FYB2: variants seen among roughly 807,000 people sequenced by gnomAD.
FYB2 encodes the protein FYN binding protein 2.
Under a neutral mutation model 94.1 loss-of-function variants are expected in FYB2, and 103 were observed. That is an observed-to-expected ratio of 1.09 (90% CI 0.93 to 1.29). FYB2 has a LOEUF of 1.29. Ranked by LOEUF, FYB2 falls within the 50% of genes most tolerant of loss-of-function variation. The pLI is 0.00. For synonymous variants in FYB2, 293 were observed against 287.9 expected (o/e 1.02, Z -0.18); for missense variants, 896 against 841.5 (o/e 1.06, Z -0.80).
intron 1 of FYB2, among the ~76,000 whole-genome samples, chr1:56,800,668 G>A (rs1646499333): frequency 1.3e-5 from 2 of 152,078 alleles, no homozygotes; most frequent in South Asian, 4.1e-4. Flanking sequence ...CACATGGGGT[G>A]TAAGGTTTCA....
At chr1:56,781,630 C>T (rs1445973769) in intron 4 of FYB2, among the ~76,000 whole-genome samples, 2 of 152,168 alleles carry the variant, frequency 1.3e-5, no homozygotes, top group Non-Finnish European at 2.9e-5. Flanking sequence ...TTTCTGTTTC[C>T]ACCTTTTCCC....
intron 4 of FYB2, among the ~76,000 whole-genome samples, chr1:56,768,285 T>C (rs1327960408): frequency 1.3e-5 from 2 of 152,208 alleles, no homozygotes; most frequent in Non-Finnish European, 1.5e-5. Context: ...TCTTAATGAC[T>C]GGGCAGCTGG....
chr1:56,751,842 G>C (rs1386671805), intron 8 of FYB2, among the ~76,000 whole-genome samples: 3 of 151,964 alleles, frequency 2.0e-5, no homozygotes, highest in African/African-American at 4.8e-5. Flanking sequence ...GATTAATTAG[G>C]GTATAATGTG....
chr1:56,804,179 A>C (rs554527531), intron 1 of FYB2, among the ~76,000 whole-genome samples: 96 of 152,256 alleles, frequency 6.3e-4, no homozygotes, highest in African/African-American at 2.2e-3. Context: ...ACAATTATTC[A>C]AGTAGATGCT....
chr1:56,792,986 A>G (rs1646309381), intron 1 of FYB2, among the ~76,000 whole-genome samples, 183 bp from the exon 2 acceptor site: 1 of 152,132 alleles, frequency 6.6e-6, no homozygotes, highest in Non-Finnish European at 1.5e-5. Context: ...GTTAGCCAGC[A>G]ATGCTATTGT....
chr1:56,806,161 G>T (rs1206250787), intron 1 of FYB2, among the ~76,000 whole-genome samples: 1 of 152,100 alleles, frequency 6.6e-6, no homozygotes, highest in Non-Finnish European at 1.5e-5. Context: ...GGAAAAGATG[G>T]ACACATAAAC....
intron 1 of FYB2, among the ~76,000 whole-genome samples, chr1:56,806,999 C>T (rs1437720045): frequency 6.6e-6 from 1 of 152,118 alleles, no homozygotes; most frequent in Non-Finnish European, 1.5e-5. Flanking sequence ...CAATTACAGC[C>T]CATCCCTGAT....
At chr1:56,749,738 T>C (rs1334125409) in intron 9 of FYB2, among the ~76,000 whole-genome samples, 2 of 152,040 alleles carry the variant, frequency 1.3e-5, no homozygotes, top group Admixed American at 6.6e-5. Flanking sequence ...ATTGTTAACA[T>C]GTAAAGAATA....
At chr1:56,786,930 G>A (rs1570148484) in intron 4 of FYB2, among the ~76,000 whole-genome samples, 1 of 152,140 alleles carries the variant, frequency 6.6e-6, no homozygotes, top group African/African-American at 2.4e-5. Flanking sequence ...CTGAACCCAA[G>A]TGTGTAATAA....
chr1:56,772,318 A>G (rs1039250134), intron 4 of FYB2, among the ~76,000 whole-genome samples: 1 of 152,176 alleles, frequency 6.6e-6, no homozygotes, highest in Non-Finnish European at 1.5e-5. Flanking sequence ...AAGTTTCCAA[A>G]AAGGCATCTT....
chr1:56,757,687 C>CTTCCTTCTTTTTTCT (rs1293394860), intron 6 of FYB2, among the ~76,000 whole-genome samples: 1 of 71,940 alleles, frequency 1.4e-5, no homozygotes, highest in Non-Finnish European at 2.6e-5. Flanking sequence ...TCCTTCCTTC[C>CTTCCTTCTTTTTTCT]TTCTTTCTTT....
At chr1:56,740,846 A>G in intron 12 of FYB2, 51 bp from the exon 13 acceptor site, 1 of 1,238,490 alleles carries the variant, frequency 8.1e-7, no homozygotes, top group East Asian at 2.4e-5. Context: ...AGAGTACTAG[A>G]GATAGAAGGC....
intron 15 of FYB2, among the ~76,000 whole-genome samples, chr1:56,734,246 T>A (rs1644778889): frequency 6.6e-6 from 1 of 152,078 alleles, no homozygotes; most frequent in Non-Finnish European, 1.5e-5. Flanking sequence ...CCCTGCTTTT[T>A]TTGCTTTCCA....
chr1:56,751,193 C>CGA lies in FYB2; in HGVS notation c.1237_1238insTC (p.Cys413PhefsTer11), dbSNP rs1645189705. 2 of 1,612,278 alleles carry CGA rather than the reference C, an allele frequency of 1.2e-6. No individual in the cohort carries two copies. The highest frequency in any genetic ancestry group is 8.5e-7 in the Non-Finnish European group (1 of 1,179,014). ...CTGAATTTTTTCAGGTGTCCCTTCA[C>CGA]AGGCATCTACCTAAACATATGCAAA... is the stretch of plus-strand genomic sequence containing the variant. On this transcript the variant is annotated frameshift_variant, in exon 9 of 20. Transcript: ENST00000343433. LOFTEE classifies it high-confidence loss of function.
chr1:56,761,133 C>T (rs1645483759), intron 5 of FYB2, among the ~76,000 whole-genome samples: 1 of 152,154 alleles, frequency 6.6e-6, no homozygotes, highest in South Asian at 2.1e-4. Flanking sequence ...GCCTTTTGTT[C>T]CTTCTCCTCA....
the FYB2 span, chr1:56,826,905 T>C: frequency 3.3e-5 from 5 of 152,204 alleles, no homozygotes; most frequent in Non-Finnish European, 7.3e-5. Flanking sequence ...CACAAAGCTG[T>C]TGGAGGAATT....
At chr1:56,775,656 T>A (rs932096030) in intron 4 of FYB2, among the ~76,000 whole-genome samples, 3 of 152,170 alleles carry the variant, frequency 2.0e-5, no homozygotes, top group African/African-American at 7.2e-5. Flanking sequence ...GATATTTGAA[T>A]CTGAAGTCTT....
At chr1:56,788,646 A>G (rs1646185755) in intron 3 of FYB2, among the ~76,000 whole-genome samples, 1 of 152,192 alleles carries the variant, frequency 6.6e-6, no homozygotes, top group South Asian at 2.1e-4. Context: ...GCACAAATGG[A>G]TTGTGTTGAC....
chr1:56,732,582 C>A lies in FYB2; in HGVS notation c.1793+4505G>T, dbSNP rs186868256. On this transcript the variant is annotated intron_variant, in intron 15 of 19. Transcript: ENST00000343433. ...GCACAGTACCAGACTTCAAAACATT[C>A]TACAAAGCTCTAGTAATCAAAACAG... Among the ~76,000 whole-genome samples the A allele has an allele frequency of 2.6e-4, 40 of 152,244 alleles. No homozygotes were observed. The East Asian group carries it at 6.6e-3, about 25-fold the overall frequency.
Sources: gnomAD v4.1 joint callset for allele counts (sites outside exome capture counted in the v4.1 genomes callset) on GRCh38, gnomAD v4.1.1 for gene constraint, MANE v1.5 for transcripts, NCBI Gene and HGNC (gene_info 2026-07-23, HGNC 2026-07-21) for gene names.